The following RCAN2 variants were observed in gnomAD, a reference collection of about 807,000 sequenced individuals.
RCAN2 encodes the protein regulator of calcineurin 2.
RCAN2 carries 9 observed loss-of-function variants against 23.6 expected under a neutral mutation model. The ratio of observed to expected loss-of-function variants is 0.38; its 90% CI spans 0.23 to 0.67. The LOEUF is 0.67. RCAN2 is among the 30% of genes least tolerant of loss of function. RCAN2 has a pLI of 0.51. For missense variants in RCAN2, 273 were observed against 302.3 expected (o/e 0.90, Z 0.72); for synonymous variants, 109 against 115.7 (o/e 0.94, Z 0.37).
intron 2 of RCAN2, among the ~76,000 whole-genome samples, chr6:46,353,459 G>A (rs942196856): frequency 3.9e-5 from 6 of 152,124 alleles, no homozygotes; most frequent in African/African-American, 1.4e-4. Context: ...ACAATCCTTA[G>A]TAAATAAATT....
intron 2 of RCAN2, among the ~76,000 whole-genome samples, chr6:46,257,182 G>T (rs1386285161): frequency 2.0e-5 from 3 of 152,118 alleles, no homozygotes. Context: ...CTCAGGGAGT[G>T]CTCAATATGT....
intron 2 of RCAN2, among the ~76,000 whole-genome samples, chr6:46,385,220 A>G (rs1334409875): frequency 6.6e-6 from 1 of 152,218 alleles, no homozygotes; most frequent in Non-Finnish European, 1.5e-5. Context: ...CTCCAACCCA[A>G]GGAAAATACA....
intron 2 of RCAN2, among the ~76,000 whole-genome samples, chr6:46,385,674 TG>T (rs1765722598): frequency 6.6e-6 from 1 of 151,898 alleles, no homozygotes; most frequent in South Asian, 2.1e-4. Flanking sequence ...CTGGCCAACA[TG>T]GTGAAACCCT....
intron 2 of RCAN2, among the ~76,000 whole-genome samples, chr6:46,279,403 C>G (rs1198810671): frequency 2.0e-5 from 3 of 152,154 alleles, no homozygotes; most frequent in African/African-American, 7.2e-5. Flanking sequence ...ACATTTGGGT[C>G]CAGATAATTC....
chr6:46,435,038 A>G (rs1261683981), intron 2 of RCAN2, among the ~76,000 whole-genome samples: 2 of 152,210 alleles, frequency 1.3e-5, no homozygotes, highest in African/African-American at 4.8e-5. Flanking sequence ...TGTCGTTGCG[A>G]TGCATTATTT....
intron 2 of RCAN2, among the ~76,000 whole-genome samples, chr6:46,334,127 T>G (rs1475166119): frequency 6.6e-6 from 1 of 152,212 alleles, no homozygotes; most frequent in African/African-American, 2.4e-5. Flanking sequence ...TAAATGTCCC[T>G]CCTCAAAAGG....
chr6:46,387,311 G>A (rs369582844), intron 2 of RCAN2, among the ~76,000 whole-genome samples: 12 of 151,934 alleles, frequency 7.9e-5, no homozygotes, highest in Non-Finnish European at 7.4e-5. Flanking sequence ...CAGAGTGAAC[G>A]GGCAACCTAC....
At chr6:46,257,797 T>C (rs1471760978) in intron 2 of RCAN2, among the ~76,000 whole-genome samples, 3 of 152,114 alleles carry the variant, frequency 2.0e-5, no homozygotes, top group Admixed American at 6.5e-5. Flanking sequence ...TCACATACAC[T>C]AAGTCACACA....
intron 2 of RCAN2, among the ~76,000 whole-genome samples, chr6:46,369,162 T>G (rs1477144304): frequency 2.0e-5 from 3 of 152,138 alleles, no homozygotes; most frequent in Non-Finnish European, 4.4e-5. Flanking sequence ...TCAATATCAC[T>G]GTCTTCCACC....
chr6:46,394,051 G>A (rs754672181), intron 2 of RCAN2, among the ~76,000 whole-genome samples: 1 of 152,142 alleles, frequency 6.6e-6, no homozygotes, highest in Non-Finnish European at 1.5e-5. Flanking sequence ...AAAGATGACC[G>A]ATGTTTGAAA....
intron 2 of RCAN2, among the ~76,000 whole-genome samples, chr6:46,320,750 G>A (rs368172092): frequency 1.3e-5 from 2 of 152,160 alleles, no homozygotes. Flanking sequence ...CTGTCCTGTA[G>A]CAATCCTAAG....
intron 2 of RCAN2, among the ~76,000 whole-genome samples, chr6:46,282,129 A>G (rs1019300905): frequency 1.3e-5 from 2 of 152,198 alleles, no homozygotes; most frequent in Admixed American, 1.3e-4. Flanking sequence ...AATGACACAT[A>G]TTTTAGAACA....
chr6:46,448,378 C>T (rs1172364402), intron 2 of RCAN2, among the ~76,000 whole-genome samples: 7 of 151,720 alleles, frequency 4.6e-5, no homozygotes, highest in Admixed American at 2.6e-4. Context: ...AACACGATGA[C>T]TTTATTGCTG....
intron 3 of RCAN2, 89 bp downstream of exon 3, chr6:46,248,634 C>A: frequency 9.2e-7 from 1 of 1,083,420 alleles, no homozygotes; most frequent in Admixed American, 2.8e-5. Context: ...ACCAACCAAT[C>A]TGAAAATAGA....
At chr6:46,325,449 A>G in intron 2 of RCAN2, 1 of 1,614,210 alleles carries the variant, frequency 6.2e-7, no homozygotes, top group Non-Finnish European at 8.5e-7. Flanking sequence ...ACCAGAGTGG[A>G]AACATCACAG....
At chr6:46,223,668 G>A (rs1334991813) in intron 4 of RCAN2, among the ~76,000 whole-genome samples, 2 of 152,154 alleles carry the variant, frequency 1.3e-5, no homozygotes, top group Non-Finnish European at 2.9e-5. Flanking sequence ...TAGTTTTTGA[G>A]CAACCTTGGG....
At chr6:46,390,533 TTTACCTAA>T (rs1432021315) in intron 2 of RCAN2, among the ~76,000 whole-genome samples, 2 of 152,240 alleles carry the variant, frequency 1.3e-5, no homozygotes, top group African/African-American at 4.8e-5. Flanking sequence ...CTACGTTATT[TTTACCTAA>T]TGCATTTCTT....
chr6:46,292,440 T>TTTTTTTTTTTG (rs1561845746), intron 2 of RCAN2, among the ~76,000 whole-genome samples: 1 of 137,384 alleles, frequency 7.3e-6, no homozygotes, highest in Non-Finnish European at 1.5e-5. Flanking sequence ...TTTTTTTTGT[T>TTTTTTTTTTTG]TTTTTTTTTG....
chr6:46,408,283 G>A (rs1324237237), intron 2 of RCAN2, among the ~76,000 whole-genome samples: 2 of 152,110 alleles, frequency 1.3e-5, no homozygotes, highest in East Asian at 3.8e-4. Flanking sequence ...TCCGATATGA[G>A]GCTAAACAGC....
Sources: gnomAD v4.1 joint callset for allele counts (sites outside exome capture counted in the v4.1 genomes callset) on GRCh38, gnomAD v4.1.1 for gene constraint, MANE v1.5 for transcripts, NCBI Gene and HGNC (gene_info 2026-07-23, HGNC 2026-07-21) for gene names.